Variants in GRIA4 observed in about 807,000 individuals in gnomAD.
GRIA4 encodes the protein glutamate receptor 4.
Under a neutral mutation model 104.0 loss-of-function variants are expected in GRIA4, and 34 were observed. The observed-to-expected ratio is 0.33, with a 90% CI of 0.25 to 0.44. The LOEUF (loss-of-function observed/expected upper bound fraction) is 0.44. GRIA4 is among the 20% of genes least tolerant of loss of function. The pLI, the probability that GRIA4 is intolerant of heterozygous loss-of-function variation, is 1.00. For synonymous variants in GRIA4, 386 were observed against 381.9 expected, an observed-to-expected ratio of 1.01 and a Z score of -0.13; for missense variants, 750 against 1,096.5, an observed-to-expected ratio of 0.68 and a Z score of 4.46.
At chr11:105,654,921 C>A (rs982396743) in intron 3 of GRIA4, among the ~76,000 whole-genome samples, 1 of 152,078 alleles carries the variant, frequency 6.6e-6, no homozygotes, top group Non-Finnish European at 1.5e-5. Context: ...GTCAAACTAC[C>A]CAGATCATAT....
intron 3 of GRIA4, among the ~76,000 whole-genome samples, chr11:105,626,047 TG>T (rs1207684699): frequency 6.6e-6 from 1 of 152,168 alleles, no homozygotes; most frequent in African/African-American, 2.4e-5. Context: ...AGATGTGGGA[TG>T]ATGCCAGGAT....
intron 4 of GRIA4, among the ~76,000 whole-genome samples, chr11:105,789,886 G>C (rs1942140663): frequency 6.6e-6 from 1 of 152,062 alleles, no homozygotes; most frequent in African/African-American, 2.4e-5. Context: ...AAGTCATTGT[G>C]GTACTCTTAA....
chr11:105,827,161 C>T (rs916759224), intron 4 of GRIA4, among the ~76,000 whole-genome samples: 13 of 152,108 alleles, frequency 8.5e-5, no homozygotes, highest in Admixed American at 6.6e-5. Context: ...ATCCTGGCTC[C>T]TGCTCTAAAT....
intron 4 of GRIA4, among the ~76,000 whole-genome samples, chr11:105,859,077 T>C (rs1945123624): frequency 6.6e-6 from 1 of 152,182 alleles, no homozygotes; most frequent in Non-Finnish European, 1.5e-5. Flanking sequence ...ACTTGACTTA[T>C]GATTATCTAG....
chr11:105,832,647 T>C (rs149741717), intron 4 of GRIA4, among the ~76,000 whole-genome samples: 5 of 151,978 alleles, frequency 3.3e-5, no homozygotes, highest in African/African-American at 4.8e-5. Context: ...CGCTCAACTA[T>C]ATTAAAGATC....
chr11:105,612,139 CA>C (rs1950497657), intron 2 of GRIA4, 136 bp from the exon 3 acceptor site: 2 of 719,826 alleles, frequency 2.8e-6, no homozygotes. Context: ...GGACAAAGGG[CA>C]GTCTCCCTAG....
chr11:105,916,350 A>C (rs756827044), intron 10 of GRIA4, among the ~76,000 whole-genome samples: 14 of 152,198 alleles, frequency 9.2e-5, no homozygotes, highest in Non-Finnish European at 1.8e-4. Context: ...GTCAAAAGTA[A>C]ATGAAAAGAC....
chr11:105,863,108 G>A (rs1945285900), intron 5 of GRIA4, among the ~76,000 whole-genome samples: 1 of 152,054 alleles, frequency 6.6e-6, no homozygotes, highest in Non-Finnish European at 1.5e-5. Context: ...ATTTCCATTA[G>A]TAAACTTGCC....
At chr11:105,759,567 C>G (rs1940503907) in intron 4 of GRIA4, among the ~76,000 whole-genome samples, 1 of 151,984 alleles carries the variant, frequency 6.6e-6, no homozygotes, top group African/African-American at 2.4e-5. Context: ...GCTCCACAAT[C>G]TGTCTCCTGA....
At position 105,924,632 on chromosome 11, in the gene GRIA4, A is replaced by G. The variant is rs1947656776; in HGVS notation, c.1710A>G (p.Pro570=). Residue 570 remains proline, a synonymous_variant, in exon 12 of 17, where the codon CCA becomes CCG. Transcript: ENST00000282499. ...VVLFLVSRFS[P]YEWHTEEPED... Reference sequence around the variant, plus strand: ...TATTCCTAGTTAGTAGATTTAGTCCATATGAGTGGCACACAGAAGAGCCAG... The same window carrying G: ...TATTCCTAGTTAGTAGATTTAGTCCGTATGAGTGGCACACAGAAGAGCCAG... The G allele has an allele frequency of 6.2e-7, 1 of 1,613,034 alleles. No homozygotes were observed. The highest frequency in any genetic ancestry group is 1.3e-5 in the African/African-American group (1 of 74,862).
chr11:105,616,474 C>T (rs1000473302), intron 3 of GRIA4, among the ~76,000 whole-genome samples: 2 of 151,488 alleles, frequency 1.3e-5, no homozygotes, highest in Admixed American at 1.3e-4. Context: ...GACACTAAAC[C>T]TAGTAGGCTC....
At chr11:105,912,546 T>TTA (rs958677222) in intron 10 of GRIA4, 226 of 245,708 alleles carry the variant, frequency 9.2e-4, no homozygotes, top group Middle Eastern at 4.1e-3. Flanking sequence ...ATATATATAT[T>TTA]TATATATATA....
At chr11:105,654,451 C>T (rs560478340) in intron 3 of GRIA4, among the ~76,000 whole-genome samples, 3 of 151,758 alleles carry the variant, frequency 2.0e-5, no homozygotes, top group South Asian at 2.1e-4. Flanking sequence ...TAAAAATAAT[C>T]GTAAGAACAA....
In GRIA4 at chr11:105,975,786, C is replaced by T. The variant is rs1309156929; in HGVS notation, c.2544+1342C>T. ...TTTTTTATATTTATTTATATGAAAG[C>T]TTTTGAAATACTTGTATCTTAAAGC... On this transcript the variant is annotated intron_variant, in intron 16 of 16. Coordinates refer to ENST00000282499, the MANE Select transcript of GRIA4 (RefSeq NM_000829.4). Among the ~76,000 whole-genome samples, 3 of 151,994 alleles carry T rather than the reference C, an allele frequency of 2.0e-5. No homozygotes were observed. The East Asian group carries it at 5.8e-4, about 29-fold the overall frequency.
In GRIA4 at chr11:105,887,583, C is replaced by T. The variant is rs186921239; in HGVS notation, c.726+11C>T. 157 of 1,242,936 alleles carry T rather than the reference C, an allele frequency of 1.3e-4. No homozygotes were observed. The African/African-American group carries it at 2.0e-3, about 16-fold the overall frequency. The allele number at this position is 1,242,936 out of a possible 1,614,324, so 77.0% of individuals were successfully genotyped here. A position where few individuals can be genotyped will look rare whatever the true frequency, so the allele number is the denominator to read the frequency against. On this transcript the variant is annotated intron_variant, in intron 6 of 16. Transcript: ENST00000282499. ...ATCATTGCAAACTTGGTAAGAACTT[C>T]TTATTTTCTACTTTTCATAAGAATT...
At chr11:105,718,845 T>C (rs1267910919) in intron 3 of GRIA4, among the ~76,000 whole-genome samples, 1 of 152,132 alleles carries the variant, frequency 6.6e-6, no homozygotes, top group Non-Finnish European at 1.5e-5. Flanking sequence ...TGGAAAAGAT[T>C]TGTGCTTGCT....
chr11:105,882,512 A>T (rs1480371162), intron 5 of GRIA4, among the ~76,000 whole-genome samples: 2 of 152,174 alleles, frequency 1.3e-5, no homozygotes, highest in Admixed American at 1.3e-4. Flanking sequence ...TGACCTTAAT[A>T]TGTTAGTGTT....
chr11:105,691,507 A>T (rs1953082040), intron 3 of GRIA4, among the ~76,000 whole-genome samples: 2 of 152,234 alleles, frequency 1.3e-5, no homozygotes, highest in South Asian at 2.1e-4. Flanking sequence ...ATTAAAAATT[A>T]GCTCTAAACA....
intron 3 of GRIA4, among the ~76,000 whole-genome samples, chr11:105,633,089 G>A (rs983139691): frequency 6.6e-6 from 1 of 152,208 alleles, no homozygotes; most frequent in South Asian, 2.1e-4. Context: ...GTGTATCATA[G>A]TGTGTTATGT....
Sources: gnomAD v4.1 joint callset for allele counts (sites outside exome capture counted in the v4.1 genomes callset) on GRCh38, gnomAD v4.1.1 for gene constraint, MANE v1.5 for transcripts, NCBI Gene and HGNC (gene_info 2026-07-23, HGNC 2026-07-21) for gene names.